MEF2A: variants seen among roughly 807,000 people sequenced by gnomAD.
The protein encoded by MEF2A is myocyte enhancer factor 2A.
Under a neutral mutation model 55.8 loss-of-function variants are expected in MEF2A, and 28 were observed. The ratio of observed to expected loss-of-function variants is 0.50; its 90% confidence interval spans 0.37 to 0.69. The LOEUF is 0.69. Among genes scored for constraint, MEF2A ranks in the 30% least tolerant of loss-of-function variants. The pLI is 0.00. For missense variants in MEF2A, 528 were observed against 626.2 expected, an observed-to-expected ratio of 0.84 and a Z score of 1.67; for synonymous variants, 239 against 227.1, an observed-to-expected ratio of 1.05 and a Z score of -0.47.
In MEF2A at chr15:99,695,784, G is replaced by A. The variant is rs571140879; in HGVS notation, c.858+5356G>A. Among the ~76,000 whole-genome samples, 19 of 151,872 alleles carry A rather than the reference G, an allele frequency of 1.3e-4. No homozygotes were observed. In the East Asian group the frequency reaches 2.5e-3, roughly 20 times the overall value. On this transcript the variant is annotated intron_variant, in intron 8 of 11. Transcript: ENST00000557942. ...TGAGGCAGGAGAATCACTTGAACCCGGGAGGCGGAGGTTGCAGTGAGCCAA... is the reference window on the plus strand; with the variant it reads ...TGAGGCAGGAGAATCACTTGAACCCAGGAGGCGGAGGTTGCAGTGAGCCAA...
intron 2 of MEF2A, among the ~76,000 whole-genome samples, chr15:99,602,777 TG>T: frequency 6.9e-6 from 1 of 145,584 alleles, no homozygotes; most frequent in East Asian, 2.0e-4. Flanking sequence ...TGTGTGTGTG[TG>T]TGTGTGTGTG....
intron 2 of MEF2A, among the ~76,000 whole-genome samples, chr15:99,629,990 C>A (rs1269067442): frequency 3.4e-5 from 5 of 148,750 alleles, no homozygotes; most frequent in Non-Finnish European, 7.5e-5. Flanking sequence ...CTCCCTCCCC[C>A]ACTCTTGCCC....
At chr15:99,674,223 G>A (rs1266237953) in intron 5 of MEF2A, among the ~76,000 whole-genome samples, 170 bp from the exon 6 acceptor site, 1 of 152,136 alleles carries the variant, frequency 6.6e-6, no homozygotes, top group African/African-American at 2.4e-5. Flanking sequence ...TCATATTCAT[G>A]TTCAAACATA....
intron 2 of MEF2A, among the ~76,000 whole-genome samples, chr15:99,612,800 C>A (rs553764298): frequency 6.6e-6 from 1 of 152,098 alleles, no homozygotes; most frequent in Non-Finnish European, 1.5e-5. Flanking sequence ...TTAATAGTTA[C>A]ACCTGTCTCA....
In MEF2A at chr15:99,712,823, C is replaced by T; in HGVS notation, c.*52C>T. 1 of 1,518,530 alleles carries T rather than the reference C, an allele frequency of 6.6e-7. No homozygotes were observed. Among genetic ancestry groups the T allele is most frequent in the Non-Finnish European group, 8.9e-7 (1 of 1,124,960 alleles). The allele number at this position is 1,518,530 out of a possible 1,614,324, so 94.1% of individuals were successfully genotyped here. A position where few individuals can be genotyped will look rare whatever the true frequency, so the allele number is the denominator to read the frequency against. On this transcript the variant is annotated 3_prime_UTR_variant, in exon 12 of 12. Coordinates refer to ENST00000557942, the MANE Select transcript of MEF2A (RefSeq NM_001319206.4). This position sits in a 1 kb window ranked among gnomAD's most constrained non-coding sequence, Gnocchi z 4.1. ...TGTGTTACTGCAGTGACCTGCCCTACATATCTAAATCGGTAAATAAGGACA... is the reference window on the plus strand; with the variant it reads ...TGTGTTACTGCAGTGACCTGCCCTATATATCTAAATCGGTAAATAAGGACA...
At chr15:99,580,580 A>C (rs557261530) in intron 1 of MEF2A, among the ~76,000 whole-genome samples, 1 of 152,350 alleles carries the variant, frequency 6.6e-6, no homozygotes, top group East Asian at 1.9e-4. Context: ...TAACTTGCAA[A>C]TACTGGTTCT....
At chr15:99,663,874 G>A (rs1234853788) in intron 4 of MEF2A, among the ~76,000 whole-genome samples, 1 of 151,990 alleles carries the variant, frequency 6.6e-6, no homozygotes, top group African/African-American at 2.4e-5. Context: ...TCACCAAGAG[G>A]TTTAGTATAT....
At chr15:99,572,013 G>GTTTTTTTTTTTTTTT (rs36027608) in intron 1 of MEF2A, among the ~76,000 whole-genome samples, 5 of 128,374 alleles carry the variant, frequency 3.9e-5, no homozygotes, top group Non-Finnish European at 5.0e-5. Context: ...CTCCATAGAA[G>GTTTTTTTTTTTTTTT]TTTTTTTTTT....
At chr15:99,573,009 C>T (rs189644610) in intron 1 of MEF2A, among the ~76,000 whole-genome samples, 368 of 152,288 alleles carry the variant, frequency 2.4e-3, no homozygotes, top group Non-Finnish European at 2.4e-3. Flanking sequence ...TCCTAATCGG[C>T]CGGGCGCGGT....
At chr15:99,698,249 TAGA>T (rs1240941647) in intron 8 of MEF2A, among the ~76,000 whole-genome samples, 4 of 152,182 alleles carry the variant, frequency 2.6e-5, no homozygotes, top group African/African-American at 9.7e-5. Context: ...ACCTACAGAT[TAGA>T]AGAAGGTATT....
At chr15:99,646,694 C>T (rs2046012529) in intron 4 of MEF2A, among the ~76,000 whole-genome samples, 1 of 151,972 alleles carries the variant, frequency 6.6e-6, no homozygotes, top group African/African-American at 2.4e-5. Context: ...GATAATTTAG[C>T]TGTTTTGTTG....
chr15:99,576,797 C>T (rs946710335), intron 1 of MEF2A, among the ~76,000 whole-genome samples: 3 of 151,922 alleles, frequency 2.0e-5, no homozygotes, highest in Non-Finnish European at 4.4e-5. Flanking sequence ...CCTGCCACCG[C>T]GCCCGGCTAA....
intron 4 of MEF2A, among the ~76,000 whole-genome samples, chr15:99,651,428 A>G (rs768740035): frequency 6.6e-6 from 1 of 152,206 alleles, no homozygotes; most frequent in Non-Finnish European, 1.5e-5. Context: ...AATGGAACAG[A>G]CAGGGAGTAT....
At chr15:99,608,026 A>G (rs960320188) in intron 2 of MEF2A, among the ~76,000 whole-genome samples, 4 of 152,250 alleles carry the variant, frequency 2.6e-5, no homozygotes, top group Admixed American at 2.0e-4. Flanking sequence ...AAATCAAATT[A>G]TAATTCATTG....
chr15:99,619,074 G>A (rs1487667058), intron 2 of MEF2A, among the ~76,000 whole-genome samples: 1 of 152,180 alleles, frequency 6.6e-6, no homozygotes, highest in Admixed American at 6.5e-5. Context: ...GATGGAAGGG[G>A]GAAGGAGGGA....
chr15:99,647,919 A>G (rs1013920252), intron 4 of MEF2A, among the ~76,000 whole-genome samples: 17 of 152,186 alleles, frequency 1.1e-4, no homozygotes, highest in African/African-American at 4.1e-4. Context: ...TTTTATTAAG[A>G]GAGTGGTTGT....
At chr15:99,618,695 A>G (rs1052778951) in intron 2 of MEF2A, among the ~76,000 whole-genome samples, 6 of 152,202 alleles carry the variant, frequency 3.9e-5, no homozygotes, top group Admixed American at 1.3e-4. Context: ...ACACATAAAC[A>G]TATCCATGAG....
intron 1 of MEF2A, among the ~76,000 whole-genome samples, chr15:99,596,859 G>A (rs374165359): frequency 4.6e-5 from 7 of 152,180 alleles, no homozygotes; most frequent in Non-Finnish European, 7.4e-5. Context: ...GACCCCAAAC[G>A]GAGGGACTGG....
chr15:99,580,477 G>A (rs369270164), intron 1 of MEF2A, among the ~76,000 whole-genome samples: 8 of 152,302 alleles, frequency 5.3e-5, no homozygotes, highest in African/African-American at 1.9e-4. Flanking sequence ...AAAAGACATA[G>A]GCAGTCAACT....
Sources: allele counts gnomAD v4.1 joint callset (sites outside exome capture counted in the v4.1 genomes callset), GRCh38; gene constraint gnomAD v4.1.1; non-coding constraint Gnocchi (gnomAD v3.1); transcripts MANE v1.5; gene names NCBI Gene and HGNC (gene_info 2026-07-23, HGNC 2026-07-21).